Variants in SH3PXD2A observed in about 807,000 individuals in gnomAD.
SH3PXD2A encodes the protein SH3 and PX domain-containing protein 2A.
SH3PXD2A carries 32 observed loss-of-function variants against 115.2 expected under a neutral mutation model. The ratio of observed to expected loss-of-function variants is 0.28; its 90% CI spans 0.21 to 0.37. The LOEUF (loss-of-function observed/expected upper bound fraction) is 0.37. SH3PXD2A is among the 10% of genes least tolerant of loss of function. SH3PXD2A has a pLI of 1.00. For missense variants in SH3PXD2A, 1,328 were observed against 1,498.7 expected, an observed-to-expected ratio of 0.89 and a Z score of 1.88; for synonymous variants, 610 against 629.1, an observed-to-expected ratio of 0.97 and a Z score of 0.45.
At chr10:103,788,373 C>G (rs1313102758) in intron 2 of SH3PXD2A, among the ~76,000 whole-genome samples, 1 of 152,200 alleles carries the variant, frequency 6.6e-6, no homozygotes, top group Non-Finnish European at 1.5e-5. Flanking sequence ...AACCTTCCAT[C>G]TCTGGGAGAT....
rs774730447 is a variant in SH3PXD2A at position 103,617,191 on chromosome 10, C to T, written c.920+6G>A. 6.2e-7 allele frequency: 1 copy of T among 1,602,618 alleles called. No homozygotes were observed. The highest frequency in any genetic ancestry group is 1.1e-5 in the South Asian group (1 of 90,792). On this transcript the variant is annotated splice_donor_region_variant and intron_variant, in intron 11 of 14. Coordinates refer to ENST00000369774, the MANE Select transcript of SH3PXD2A (RefSeq NM_001394015.1). ...GCATCTCGTTCATAATGTAAGGGTTCCCTACCTGATATACCACCAGCCTTC... is the reference window on the plus strand; with the variant it reads ...GCATCTCGTTCATAATGTAAGGGTTTCCTACCTGATATACCACCAGCCTTC...
intron 3 of SH3PXD2A, among the ~76,000 whole-genome samples, chr10:103,765,087 T>C (rs908066700): frequency 6.6e-6 from 1 of 152,200 alleles, no homozygotes; most frequent in African/African-American, 2.4e-5. Context: ...CATTCTATCA[T>C]TATCCCCATT....
intron 9 of SH3PXD2A, among the ~76,000 whole-genome samples, chr10:103,625,441 C>T (rs962323400): frequency 1.3e-5 from 2 of 152,250 alleles, no homozygotes; most frequent in African/African-American, 2.4e-5. Flanking sequence ...ACCTGATAAA[C>T]ATCTTGAAGC....
intron 1 of SH3PXD2A, among the ~76,000 whole-genome samples, chr10:103,805,680 C>T (rs528696799): frequency 3.9e-5 from 6 of 152,304 alleles, no homozygotes; most frequent in Admixed American, 1.3e-4. Flanking sequence ...CACTTGAGCC[C>T]GGGAGTTTGA....
At chr10:103,638,603 C>G (rs2036901529) in intron 8 of SH3PXD2A, among the ~76,000 whole-genome samples, 1 of 152,252 alleles carries the variant, frequency 6.6e-6, no homozygotes, top group Non-Finnish European at 1.5e-5. Context: ...TACTTGCCAG[C>G]TGCATGAATT....
intron 1 of SH3PXD2A, among the ~76,000 whole-genome samples, chr10:103,850,018 A>G (rs1278484954): frequency 1.3e-5 from 2 of 152,236 alleles, no homozygotes; most frequent in Admixed American, 6.5e-5. Context: ...TCAGTGACTC[A>G]GGCTGAGGCA....
chr10:103,800,583 C>T (rs2039137477), intron 2 of SH3PXD2A, among the ~76,000 whole-genome samples: 1 of 152,210 alleles, frequency 6.6e-6, no homozygotes, highest in South Asian at 2.1e-4. Flanking sequence ...GCACAAGCTT[C>T]CCTGGTCCCT....
At chr10:103,841,330 C>CAG (rs1240061232) in intron 1 of SH3PXD2A, among the ~76,000 whole-genome samples, 19 of 152,208 alleles carry the variant, frequency 1.2e-4, no homozygotes, top group Non-Finnish European at 2.8e-4. Flanking sequence ...GCTTTCAACA[C>CAG]AGCACCTTGC....
At chr10:103,683,117 T>G (rs2037632133) in intron 6 of SH3PXD2A, among the ~76,000 whole-genome samples, 1 of 151,870 alleles carries the variant, frequency 6.6e-6, no homozygotes, top group East Asian at 2.0e-4. Context: ...CCCAACACTT[T>G]AGGAGGCTGA....
chr10:103,662,701 T>C (rs1270556516), intron 7 of SH3PXD2A, among the ~76,000 whole-genome samples: 1 of 152,074 alleles, frequency 6.6e-6, no homozygotes, highest in East Asian at 1.9e-4. Context: ...GCCCGGCCTA[T>C]GATGTGCTTT....
At chr10:103,628,064 C>T (rs1368322127) in intron 8 of SH3PXD2A, among the ~76,000 whole-genome samples, 1 of 152,230 alleles carries the variant, frequency 6.6e-6, no homozygotes, top group African/African-American at 2.4e-5. Context: ...TCCACCGCGG[C>T]AAGTGGCCGC....
chr10:103,738,006 C>T (rs988649179), intron 3 of SH3PXD2A, among the ~76,000 whole-genome samples: 5 of 152,326 alleles, frequency 3.3e-5, no homozygotes, highest in South Asian at 2.1e-4. Context: ...CTACATGGAG[C>T]ACTAGGCTTT....
chr10:103,818,413 T>C (rs2039345538), intron 1 of SH3PXD2A, among the ~76,000 whole-genome samples: 1 of 152,220 alleles, frequency 6.6e-6, no homozygotes, highest in African/African-American at 2.4e-5. Context: ...CAGCTGTGCC[T>C]GGCTGGTTAA....
chr10:103,677,702 G>A (rs1413859342), intron 6 of SH3PXD2A, among the ~76,000 whole-genome samples: 2 of 152,186 alleles, frequency 1.3e-5, no homozygotes, highest in Non-Finnish European at 2.9e-5. Flanking sequence ...TTAAAGATTT[G>A]TTATGAGTCT....
intron 12 of SH3PXD2A, among the ~76,000 whole-genome samples, chr10:103,612,241 G>A (rs2036439054): frequency 1.3e-5 from 2 of 152,210 alleles, no homozygotes; most frequent in Non-Finnish European, 2.9e-5. Flanking sequence ...GGAGTCTCCT[G>A]TAGAAATGAA....
In SH3PXD2A at chr10:103,665,637, C is replaced by A. The variant is rs891319358; in HGVS notation, c.472+2971G>T. Among the ~76,000 whole-genome samples the A allele has an allele frequency of 6.6e-6, 1 of 152,134 alleles. No homozygotes were observed. Among genetic ancestry groups the A allele is most frequent in the Non-Finnish European group, 1.5e-5 (1 of 68,010 alleles). On this transcript the variant is annotated intron_variant, in intron 7 of 14. Coordinates refer to ENST00000369774, the MANE Select transcript of SH3PXD2A (RefSeq NM_001394015.1). This position sits in a 1 kb window ranked among gnomAD's most constrained non-coding sequence, Gnocchi z 4.0. The stretch of plus-strand genomic sequence containing the variant: ...GTGTTCCCTGGCCAGGGCAGCCGGG[C>A]GGGCGGGAGCTGCGAGCAGGTATCC...
chr10:103,739,960 G>T (rs1344359599), intron 3 of SH3PXD2A, among the ~76,000 whole-genome samples: 4 of 152,202 alleles, frequency 2.6e-5, no homozygotes, highest in Non-Finnish European at 5.9e-5. Context: ...CCTGAAACAG[G>T]TCCCTTCTCC....
chr10:103,613,806 A>G (rs1278017580), intron 11 of SH3PXD2A, among the ~76,000 whole-genome samples: 1 of 152,204 alleles, frequency 6.6e-6, no homozygotes, highest in Non-Finnish European at 1.5e-5. Context: ...GCTGTCTCCA[A>G]CATCTTAGCT....
chr10:103,796,400 G>A (rs1040863), intron 2 of SH3PXD2A, among the ~76,000 whole-genome samples: 110,612 of 134,522 alleles, frequency 0.82, 46,171 homozygotes, highest in East Asian at 0.99. Context: ...AAAAAAAAAA[G>A]AGAGAGAGAG....
Sources: gnomAD v4.1 joint callset for allele counts (sites outside exome capture counted in the v4.1 genomes callset) on GRCh38, gnomAD v4.1.1 for gene constraint, Gnocchi (gnomAD v3.1) non-coding constraint, MANE v1.5 for transcripts, NCBI Gene and HGNC (gene_info 2026-07-23, HGNC 2026-07-21) for gene names.